KCNMB3: variants seen among roughly 807,000 people sequenced by gnomAD.
KCNMB3 encodes the protein calcium-activated potassium channel subunit beta-3.
A neutral mutation model predicts 11.9 loss-of-function variants in KCNMB3; 18 were observed. The observed-to-expected ratio is 1.51, with a 90% CI of 1.04 to 2.23. The LOEUF (loss-of-function observed/expected upper bound fraction) is 2.23, where lower values mean the gene tolerates loss of function less well. Ranked by LOEUF, KCNMB3 falls within the 30% of genes most tolerant of loss-of-function variation. The pLI is 0.00. For missense variants in KCNMB3, 247 were observed against 329.4 expected, an observed-to-expected ratio of 0.75 and a Z score of 1.94; for synonymous variants, 78 against 119.2, an observed-to-expected ratio of 0.65 and a Z score of 2.25.
chr3:179,260,110 G>A (rs550677352), intron 1 of KCNMB3: 2 of 1,605,346 alleles, frequency 1.2e-6, no homozygotes, highest in Admixed American at 1.7e-5. Context: ...TCATCACTAT[G>A]CCCTAAAGGA....
intron 1 of KCNMB3, among the ~76,000 whole-genome samples, chr3:179,245,435 C>T (rs929904098): frequency 6.6e-6 from 1 of 151,782 alleles, no homozygotes; most frequent in African/African-American, 2.4e-5. Context: ...CCAATTCATC[C>T]GTATGTTCCT....
intron 1 of KCNMB3, among the ~76,000 whole-genome samples, chr3:179,264,853 G>A (rs910401611): frequency 6.6e-6 from 1 of 152,146 alleles, no homozygotes; most frequent in South Asian, 2.1e-4. Flanking sequence ...ATTCGTTTTG[G>A]TTACAGAGGA....
intron 2 of KCNMB3, among the ~76,000 whole-genome samples, chr3:179,243,568 A>G (rs984989753): frequency 1.3e-5 from 2 of 152,220 alleles, no homozygotes; most frequent in African/African-American, 4.8e-5. Flanking sequence ...TCCTCCCTAC[A>G]TGCAGGTTCT....
At chr3:179,249,073 C>T (rs556546958) in intron 1 of KCNMB3, among the ~76,000 whole-genome samples, 6 of 135,790 alleles carry the variant, frequency 4.4e-5, no homozygotes, top group Admixed American at 1.6e-4. Context: ...AGTGCAATGG[C>T]GCAATCTCGG....
At chr3:179,242,692 A>G (rs1415148068), downstream of KCNMB3, 6 of 835,454 alleles carry the variant, frequency 7.2e-6, no homozygotes, top group East Asian at 2.3e-4. Context: ...GCTCATTTGG[A>G]AAGAGATTGG....
chr3:179,261,788 A>C (rs1438522619), intron 1 of KCNMB3, among the ~76,000 whole-genome samples: 1 of 151,594 alleles, frequency 6.6e-6, no homozygotes, highest in Non-Finnish European at 1.5e-5. Context: ...GAAGTTTTCA[A>C]CTTACAGTAT....
downstream of KCNMB3, chr3:179,240,348 C>T (rs1725422348): frequency 3.2e-6 from 1 of 308,986 alleles, no homozygotes; most frequent in Non-Finnish European, 6.0e-6. Flanking sequence ...TTCCTTTAAG[C>T]ATAAAGAATT....
chr3:179,244,709 A>G lies in KCNMB3; in HGVS notation c.249-16T>C. On this transcript the variant is annotated splice_polypyrimidine_tract_variant and intron_variant, in intron 1 of 2. Transcript: ENST00000392685. ...TCTCTGAATGCTTCAATTTGAAAAA[A>G]AAAAAATGTTCTTCACTTATTAGAA... is the stretch of plus-strand genomic sequence containing the variant. 2 of 1,607,830 alleles carry G rather than the reference A, an allele frequency of 1.2e-6. No individual in the cohort carries two copies. The highest frequency in any genetic ancestry group is 1.7e-6 in the Non-Finnish European group (2 of 1,175,432).
chr3:179,239,763 C>G, downstream of KCNMB3: 1 of 405,314 alleles, frequency 2.5e-6, no homozygotes, highest in Non-Finnish European at 4.4e-6. Flanking sequence ...TTAATTGTAG[C>G]AAGTTTATTT....
upstream of KCNMB3, among the ~76,000 whole-genome samples, chr3:179,256,295 A>G (rs1726009551): frequency 6.6e-6 from 1 of 152,004 alleles, no homozygotes; most frequent in Admixed American, 6.6e-5. Context: ...AATTAGCTGG[A>G]CGTGGTGGCA....
At chr3:179,253,202 G>T (rs139500417), upstream of KCNMB3, among the ~76,000 whole-genome samples, 823 of 152,236 alleles carry the variant, frequency 5.4e-3, 7 homozygotes, top group African/African-American at 0.018. Context: ...GAGGTTTATT[G>T]TAAGATATCC....
intron 1 of KCNMB3, among the ~76,000 whole-genome samples, chr3:179,247,306 C>T (rs1255924340): frequency 6.6e-6 from 1 of 151,734 alleles, no homozygotes; most frequent in Non-Finnish European, 1.5e-5. Flanking sequence ...CCCATACATT[C>T]AAACATTCAA....
rs779112081 is a variant in KCNMB3 at position 179,250,956 on chromosome 3, G to C, written c.35C>G (p.Ser12Cys). The C allele has an allele frequency of 6.2e-7, 1 of 1,614,144 alleles. No individual in the cohort carries two copies. The highest frequency in any genetic ancestry group is 8.5e-7 in the Non-Finnish European group (1 of 1,180,014). Residue 12 changes from serine to cysteine, a missense_variant, in exon 1 of 3, where the codon TCT (serine) becomes TGT (cysteine). This residue lies in a region of KCNMB3 where 160 missense variants were observed against 157.5 expected (regional missense o/e 1.02). Coordinates refer to ENST00000392685, the MANE Select transcript of KCNMB3 (RefSeq NM_171830.2). ...TGTCCTTTGGGGAAAGGGAGAAGGA[G>C]ATACTGCAGTGAGCTCATAAAGAAG... ...FPLLYELTAV[S>C]PSPFPQRTAF...
chr3:179,251,387 C>T, upstream of KCNMB3: 4 of 1,429,180 alleles, frequency 2.8e-6, no homozygotes, highest in Non-Finnish European at 3.6e-6. Flanking sequence ...CTTATTCTTT[C>T]ATATTCACCT....
upstream of KCNMB3, chr3:179,267,045 G>A: frequency 1.8e-6 from 1 of 556,694 alleles, no homozygotes; most frequent in Non-Finnish European, 2.4e-6. Context: ...CTCGGCAGCC[G>A]GGAGCATCGC....
intron 1 of KCNMB3, chr3:179,259,288 T>C (rs1726123554): frequency 1.9e-6 from 3 of 1,550,712 alleles, no homozygotes; most frequent in Non-Finnish European, 1.7e-6. Context: ...GCATCTTCGC[T>C]CTCTGGTTCT....
intron 1 of KCNMB3, among the ~76,000 whole-genome samples, chr3:179,247,131 T>C (rs1165629782): frequency 6.6e-6 from 1 of 152,186 alleles, no homozygotes; most frequent in Non-Finnish European, 1.5e-5. Context: ...ATTCACTTAA[T>C]TAATTTAACC....
At chr3:179,264,104 C>A (rs186085247) in intron 1 of KCNMB3, among the ~76,000 whole-genome samples, 116 of 152,088 alleles carry the variant, frequency 7.6e-4, no homozygotes, top group African/African-American at 2.7e-3. Context: ...CCGCACCTGG[C>A]CTATATTGTT....
At chr3:179,261,079 A>T in intron 1 of KCNMB3, 1 of 1,113,800 alleles carries the variant, frequency 9.0e-7, no homozygotes. Flanking sequence ...GCATGTTACG[A>T]GACCCCTTCT....
Sources: allele counts gnomAD v4.1 joint callset (sites outside exome capture counted in the v4.1 genomes callset), GRCh38; gene constraint gnomAD v4.1.1; regional missense constraint gnomAD v4.1.1; transcripts MANE v1.5; gene names NCBI Gene and HGNC (gene_info 2026-07-23, HGNC 2026-07-21).